Variants in SLC17A5 observed in about 807,000 individuals in gnomAD.
SLC17A5 encodes the protein sialin.
In SLC17A5, 47 loss-of-function variants were observed where a neutral mutation model predicts 59.4. The ratio of observed to expected loss-of-function variants is 0.79; its 90% CI spans 0.63 to 1.01. The LOEUF is 1.01. SLC17A5 is among the 50% of genes least tolerant of loss of function. The probability of loss-of-function intolerance (pLI) is 0.00; values close to 1 mark genes in which losing one functional copy is unlikely to be tolerated. For synonymous variants in SLC17A5, 202 were observed against 210.7 expected (o/e 0.96, Z 0.36); for missense variants, 522 against 595.5 (o/e 0.88, Z 1.28).
chr6:73,645,701 T>C (rs1044727175), intron 1 of SLC17A5, among the ~76,000 whole-genome samples: 3 of 143,916 alleles, frequency 2.1e-5, no homozygotes, highest in South Asian at 4.3e-4. Context: ...GGCAGGAGAA[T>C]GGCGTGAACC....
At chr6:73,605,591 A>C (rs1208755016) in intron 9 of SLC17A5, among the ~76,000 whole-genome samples, 1 of 152,104 alleles carries the variant, frequency 6.6e-6, no homozygotes, top group Admixed American at 6.6e-5. Context: ...GAATCAAAAT[A>C]TAAGAAAGTT....
At chr6:73,601,356 C>G (rs1468656336) in intron 9 of SLC17A5, among the ~76,000 whole-genome samples, 4 of 147,186 alleles carry the variant, frequency 2.7e-5, no homozygotes, top group Non-Finnish European at 6.0e-5. Context: ...GCAGCCACCC[C>G]GTCTGGGAAG....
chr6:73,622,545 G>C (rs970369429), intron 6 of SLC17A5, among the ~76,000 whole-genome samples: 3 of 151,958 alleles, frequency 2.0e-5, no homozygotes, highest in Admixed American at 6.6e-5. Flanking sequence ...CAAGTGATCC[G>C]ACCCAAAGTG....
intron 5 of SLC17A5, 72 bp downstream of exon 5, chr6:73,636,549 A>G (rs1769009480): frequency 1.1e-6 from 1 of 869,822 alleles, no homozygotes; most frequent in South Asian, 1.4e-5. Flanking sequence ...TATATTTTTA[A>G]AACATTATTA....
rs1361346114 is a variant in SLC17A5, at chr6:73,653,804, C to A, written c.83G>T (p.Arg28Leu). 6.3e-7 allele frequency: 1 copy of A among 1,593,692 alleles called. No homozygotes were observed. Among genetic ancestry groups the A allele is most frequent in the East Asian group, 2.3e-5 (1 of 43,760 alleles). The change falls in exon 1 of 11, where the codon CGG (arginine) becomes CTG (leucine). Residue 28 changes from arginine to leucine, a missense_variant. By Grantham distance (102) the Arg-to-Leu change is moderately radical (BLOSUM62 -2). Around this residue, in one of 3 missense-constraint regions of SLC17A5, gnomAD observed 338 missense variants for 363.8 expected, o/e 0.93. Coordinates refer to ENST00000355773, the MANE Select transcript of SLC17A5 (RefSeq NM_012434.5). The part of the protein sequence containing the change: ...DRTPLLPGAP[R>L]AEAAPVCCSA... ...ACCCCGCCGCTTACCGGCTTCGGCCCGTGGGGCGCCCGGTAGAAGAGGCGT... is the reference window on the plus strand; with the variant it reads ...ACCCCGCCGCTTACCGGCTTCGGCCAGTGGGGCGCCCGGTAGAAGAGGCGT...
intron 10 of SLC17A5, among the ~76,000 whole-genome samples, chr6:73,595,558 A>G (rs1766754772): frequency 6.6e-6 from 1 of 152,168 alleles, no homozygotes; most frequent in African/African-American, 2.4e-5. Context: ...GAGTGGTTCC[A>G]CTTGGTGAGG....
At chr6:73,595,302 A>C (rs1335932580) in intron 10 of SLC17A5, 88 bp from the exon 11 acceptor site, 353 of 1,409,490 alleles carry the variant, frequency 2.5e-4, no homozygotes, top group African/African-American at 4.3e-5. Context: ...GAGTGTTAAA[A>C]CAGCCACATT....
chr6:73,653,326 C>T, intron 1 of SLC17A5: 1 of 985,480 alleles, frequency 1.0e-6, no homozygotes, highest in Non-Finnish European at 1.2e-6. Context: ...GAAGGACAGC[C>T]CTCTGCCTAC....
chr6:73,629,666 T>C (rs62440462), intron 6 of SLC17A5, among the ~76,000 whole-genome samples: 25,167 of 151,662 alleles, frequency 0.17, 2,774 homozygotes, highest in Non-Finnish European at 0.25. Context: ...TCCCAGCTAC[T>C]TGGGAGGCTG....
At chr6:73,643,280 C>T (rs2150119755) in intron 2 of SLC17A5, among the ~76,000 whole-genome samples, 3 of 151,264 alleles carry the variant, frequency 2.0e-5, no homozygotes, top group Admixed American at 2.0e-4. Flanking sequence ...CCCGCTTCAG[C>T]CTCCCGAGTA....
At position 73,615,234 on chromosome 6, in the gene SLC17A5, A is replaced by G. The variant is rs142159423; in HGVS notation, c.1111+81T>C. On this transcript the variant is annotated intron_variant, in intron 8 of 10. Transcript: ENST00000355773. ...TTAACTGTGTGTAAAAGTGGGAAACACACTTTGTTTTCCTATCTCCTATAA... is the reference window on the plus strand; with the variant it reads ...TTAACTGTGTGTAAAAGTGGGAAACGCACTTTGTTTTCCTATCTCCTATAA... The G allele has an allele frequency of 1.4e-4, 204 of 1,490,392 alleles. No individual in the cohort carries two copies. The African/African-American group carries it at 2.6e-3, about 19-fold the overall frequency. The allele number at this position is 1,490,392 out of a possible 1,614,324, so 92.3% of individuals were successfully genotyped here. A position where few individuals can be genotyped will look rare whatever the true frequency, so the allele number is the denominator to read the frequency against.
chr6:73,607,520 T>G lies in SLC17A5; in HGVS notation c.1259+2880A>C, dbSNP rs183312250. 1.4e-3 allele frequency among the ~76,000 whole-genome samples: 212 copies of G among 151,742 alleles called. 1 individual carries two copies. The highest frequency in any genetic ancestry group is 2.3e-3 in the Non-Finnish European group (153 of 67,904). ...ACCTCAGGTGATCTGCCCACCTTGG[T>G]CTCCCAAAGTGCCGGGATTACAGGC... On this transcript the variant is annotated intron_variant, in intron 9 of 10. Transcript: ENST00000355773.
chr6:73,600,259 T>C (rs542636786), intron 10 of SLC17A5, 92 bp downstream of exon 10: 2 of 970,876 alleles, frequency 2.1e-6, no homozygotes, highest in Admixed American at 4.0e-5. Flanking sequence ...TAAGAACATT[T>C]AGAATTTTAA....
At chr6:73,633,890 TAAATA>T (rs1768882496) in intron 6 of SLC17A5, among the ~76,000 whole-genome samples, 3 of 150,468 alleles carry the variant, frequency 2.0e-5, no homozygotes, top group Admixed American at 2.0e-4. Context: ...AAAAAAAAAA[TAAATA>T]AAATAAAATA....
At chr6:73,623,428 C>G (rs908590927) in intron 6 of SLC17A5, among the ~76,000 whole-genome samples, 2 of 151,916 alleles carry the variant, frequency 1.3e-5, no homozygotes, top group African/African-American at 4.8e-5. Flanking sequence ...CTCTGCCTCC[C>G]GGGTTCAAGC....
Position 73,630,834 on chromosome 6 carries a change from G to T in SLC17A5, c.819+4548C>A, listed in dbSNP as rs572890506. On this transcript the variant is annotated intron_variant, in intron 6 of 10. Coordinates refer to ENST00000355773, the MANE Select transcript of SLC17A5 (RefSeq NM_012434.5). ...GATGAAGGCGGGCGGATCACCTGAG[G>T]TTGGGAGTTCGAGACCAGCCTGACC... Among the ~76,000 whole-genome samples the T allele has an allele frequency of 5.4e-4, 82 of 152,228 alleles. 1 individual carries two copies. Among genetic ancestry groups the T allele is most frequent in the Admixed American group, 5.4e-3 (82 of 15,288 alleles).
At chr6:73,626,974 G>A (rs1346331278) in intron 6 of SLC17A5, among the ~76,000 whole-genome samples, 2 of 152,140 alleles carry the variant, frequency 1.3e-5, no homozygotes, top group African/African-American at 4.8e-5. Flanking sequence ...GTTTCACTAA[G>A]TTGACCAGGC....
chr6:73,596,141 A>G (rs1184353538), intron 10 of SLC17A5, among the ~76,000 whole-genome samples: 2 of 152,104 alleles, frequency 1.3e-5, no homozygotes. Flanking sequence ...ATACTTCAAT[A>G]AAAAGTTTAC....
chr6:73,621,805 T>TC lies in SLC17A5; in HGVS notation c.976dup (p.Glu326GlyfsTer25), dbSNP rs1243887255. 6.2e-7 allele frequency: 1 copy of TC among 1,603,990 alleles called. No homozygotes were observed. Among genetic ancestry groups the TC allele is most frequent in the East Asian group, 2.2e-5 (1 of 44,746 alleles). On this transcript the variant is annotated frameshift_variant and splice_region_variant, in exon 7 of 11. Coordinates refer to ENST00000355773, the MANE Select transcript of SLC17A5 (RefSeq NM_012434.5). LOFTEE classifies it high-confidence loss of function. ...AAGCAGATGATTATTTTTTCTTACC[T>TC]CTTGAACATTGAACCTTAGGATCTC...
Sources: allele counts gnomAD v4.1 joint callset (sites outside exome capture counted in the v4.1 genomes callset), GRCh38; gene constraint gnomAD v4.1.1; regional missense constraint gnomAD v4.1.1; transcripts MANE v1.5; gene names NCBI Gene and HGNC (gene_info 2026-07-23, HGNC 2026-07-21).